ALDH18A1: variants seen among roughly 807,000 people sequenced by gnomAD.
The protein encoded by ALDH18A1 is aldehyde dehydrogenase 18 family member A1, also known as delta-1-pyrroline-5-carboxylate synthase.
In ALDH18A1, 44 loss-of-function variants were observed where a neutral mutation model predicts 88.8. That is an observed-to-expected ratio of 0.50 (90% confidence interval 0.39 to 0.64). ALDH18A1 has a LOEUF of 0.64. ALDH18A1 is among the 30% of genes least tolerant of loss of function. The pLI, the probability that ALDH18A1 is intolerant of heterozygous loss-of-function variation, is 0.00. For missense variants in ALDH18A1, 782 were observed against 1,009.5 expected (o/e 0.77, Z 3.05); for synonymous variants, 331 against 372.1 (o/e 0.89, Z 1.27).
chr10:95,628,263 C>G, intron 8 of ALDH18A1, 105 bp downstream of exon 8: 1 of 1,500,652 alleles, frequency 6.7e-7, no homozygotes, highest in Non-Finnish European at 9.2e-7. Flanking sequence ...GTGTATGTGC[C>G]TACTATCTGA....
chr10:95,612,940 T>C (rs534036181), intron 15 of ALDH18A1, among the ~76,000 whole-genome samples: 5 of 152,218 alleles, frequency 3.3e-5, no homozygotes, highest in Non-Finnish European at 5.9e-5. Context: ...GCCACATTTA[T>C]AAGCTAACTG....
At chr10:95,611,171 T>G in intron 16 of ALDH18A1, 85 bp downstream of exon 16, 1 of 1,524,488 alleles carries the variant, frequency 6.6e-7, no homozygotes, top group Non-Finnish European at 9.1e-7. Flanking sequence ...ATGATGTTTT[T>G]CTGCAGCCCA....
chr10:95,635,440 G>C (rs781176228), intron 5 of ALDH18A1, among the ~76,000 whole-genome samples: 132 of 152,272 alleles, frequency 8.7e-4, no homozygotes, highest in Non-Finnish European at 1.6e-3. Context: ...TTAGACAAGC[G>C]CAATCTGTTG....
intron 2 of ALDH18A1, 108 bp downstream of exon 2, chr10:95,653,182 T>C (rs981232271): frequency 1.4e-5 from 15 of 1,086,796 alleles, no homozygotes; most frequent in Non-Finnish European, 2.0e-5. Context: ...AATGAGACCC[T>C]GTCTCCAAAC....
intron 11 of ALDH18A1, among the ~76,000 whole-genome samples, chr10:95,623,644 C>G (rs997043316): frequency 9.2e-5 from 14 of 152,118 alleles, no homozygotes; most frequent in African/African-American, 3.1e-4. Context: ...CGGCTCATGG[C>G]AACCTCTGCC....
chr10:95,613,006 A>G lies in ALDH18A1; in HGVS notation c.1923+736T>C, dbSNP rs563628625. Among the ~76,000 whole-genome samples the G allele has an allele frequency of 7.2e-5, 11 of 152,370 alleles. No homozygotes were observed. In the East Asian group the frequency reaches 1.7e-3, roughly 24 times the overall value. On this transcript the variant is annotated intron_variant, in intron 15 of 17. Transcript: ENST00000371224. ...GGAAGAGACATATGTTCAGAGTCAA[A>G]GCAACCAAGGCCAACAAGCACCTTC...
intron 5 of ALDH18A1, among the ~76,000 whole-genome samples, chr10:95,634,340 G>A (rs2097876681): frequency 6.6e-6 from 1 of 152,190 alleles, no homozygotes; most frequent in South Asian, 2.1e-4. Flanking sequence ...CTACTCTCAA[G>A]TGATCCTCCC....
At position 95,656,677 on chromosome 10, in the gene ALDH18A1, ACT is replaced by A. The variant is rs1017734848; in HGVS notation, c.-111_-110del. 1.3e-5 allele frequency: 2 copies of A among 152,358 alleles called. No individual in the cohort carries two copies. The highest frequency in any genetic ancestry group is 4.8e-5 in the African/African-American group (2 of 41,382). The allele number at this position is 152,358 out of a possible 1,614,324, so 9.4% of individuals were successfully genotyped here. ...GCCGGGCTGATTCCGGCGCTCGCTC[ACT>A]CTCTTTTTTCTTCCGTCCACGTCCC... On this transcript the variant is annotated 5_prime_UTR_variant, in exon 1 of 18. Coordinates refer to ENST00000371224, the MANE Select transcript of ALDH18A1 (RefSeq NM_002860.4).
rs181028989 is a variant in ALDH18A1 at position 95,653,247 on chromosome 10, T to C, written c.88+43A>G. On this transcript the variant is annotated intron_variant, in intron 2 of 17. Transcript: ENST00000371224. ...AAACCTTGTTGAAACATACTTTGAC[T>C]ATCAAACGTCCCACATACTCATAAG... 11 of 1,489,656 alleles carry C rather than the reference T, an allele frequency of 7.4e-6. No individual in the cohort carries two copies. In the East Asian group the frequency reaches 2.5e-4, roughly 34 times the overall value. 92.3% of individuals were successfully genotyped at this position (1,489,656 alleles called of 1,614,324 possible). A position where few individuals can be genotyped will look rare whatever the true frequency, so the allele number is the denominator to read the frequency against.
chr10:95,652,556 C>T (rs533444766), intron 2 of ALDH18A1, among the ~76,000 whole-genome samples: 91 of 152,038 alleles, frequency 6.0e-4, no homozygotes, highest in Non-Finnish European at 9.6e-4. Context: ...GCCAACATGG[C>T]GAAACCCTAT....
chr10:95,627,616 T>C (rs1238782401), intron 8 of ALDH18A1, 30 bp from the exon 9 acceptor site: 2 of 1,613,372 alleles, frequency 1.2e-6, no homozygotes, highest in Admixed American at 1.7e-5. Context: ...CCAGTAAAGA[T>C]GAGATTCAGA....
At chr10:95,642,070 T>C (rs1375766031) in intron 3 of ALDH18A1, among the ~76,000 whole-genome samples, 5 of 152,186 alleles carry the variant, frequency 3.3e-5, no homozygotes, top group Non-Finnish European at 7.4e-5. Context: ...CCTCAGGAAC[T>C]TGTTTTTTAA....
chr10:95,636,608 G>C (rs1431446934), intron 5 of ALDH18A1, among the ~76,000 whole-genome samples: 1 of 152,136 alleles, frequency 6.6e-6, no homozygotes, highest in Non-Finnish European at 1.5e-5. Flanking sequence ...AATATTTGCT[G>C]AATGAGTGAA....
chr10:95,612,431 T>C (rs1755764282), intron 15 of ALDH18A1, among the ~76,000 whole-genome samples: 1 of 152,194 alleles, frequency 6.6e-6, no homozygotes, highest in Non-Finnish European at 1.5e-5. Context: ...CATGCCTTGA[T>C]TCTTTGGGAT....
At chr10:95,625,799 G>A (rs996656502) in intron 10 of ALDH18A1, among the ~76,000 whole-genome samples, 8 of 151,798 alleles carry the variant, frequency 5.3e-5, no homozygotes, top group African/African-American at 1.7e-4. Context: ...ACAATCTGTA[G>A]GAGACTGTAT....
In ALDH18A1 at chr10:95,636,123, G is replaced by T. The variant is rs78284381; in HGVS notation, c.558+970C>A. On this transcript the variant is annotated intron_variant, in intron 5 of 17. Coordinates refer to ENST00000371224, the MANE Select transcript of ALDH18A1 (RefSeq NM_002860.4). ...GGTGTAATACCAGAACATCACTGTG[G>T]GTACAAACAGGCAAATGATGGAGAA... 5.6e-3 allele frequency among the ~76,000 whole-genome samples: 847 copies of T among 152,068 alleles called. 12 individuals carry two copies. Among genetic ancestry groups the T allele is most frequent in the African/African-American group, 0.02 (812 of 41,472 alleles).
chr10:95,636,106 A>C (rs2097880095), intron 5 of ALDH18A1, among the ~76,000 whole-genome samples: 1 of 152,222 alleles, frequency 6.6e-6, no homozygotes, highest in African/African-American at 2.4e-5. Context: ...CTGGTGTAAT[A>C]CCAGAACATC....
chr10:95,649,155 A>C (rs1228036409), intron 2 of ALDH18A1, among the ~76,000 whole-genome samples: 2 of 152,176 alleles, frequency 1.3e-5, no homozygotes, highest in East Asian at 3.8e-4. Context: ...TGCTGGAACA[A>C]CTAGTATTAA....
chr10:95,611,789 A>G (rs2097835192), intron 15 of ALDH18A1, among the ~76,000 whole-genome samples: 3 of 152,062 alleles, frequency 2.0e-5, no homozygotes, highest in Admixed American at 2.0e-4. Context: ...CCTGGCCAAC[A>G]TGGTGAAACC....
Sources: allele counts gnomAD v4.1 joint callset (sites outside exome capture counted in the v4.1 genomes callset), GRCh38; gene constraint gnomAD v4.1.1; transcripts MANE v1.5; gene names NCBI Gene and HGNC (gene_info 2026-07-23, HGNC 2026-07-21).